SPMIP2: variants seen among roughly 807,000 people sequenced by gnomAD.
SPMIP2 encodes the protein sperm microtubule inner protein 2, also known as protein SPMIP2.
chr4:158,998,875 G>C, the SPMIP2 span, among the ~76,000 whole-genome samples: 2 of 152,060 alleles, frequency 1.3e-5, no homozygotes, highest in Non-Finnish European at 2.9e-5. Context: ...CTTGTAAAAC[G>C]TATGTACCAT....
the SPMIP2 span, among the ~76,000 whole-genome samples, chr4:159,010,110 T>C: frequency 6.6e-6 from 1 of 152,206 alleles, no homozygotes; most frequent in African/African-American, 2.4e-5. Flanking sequence ...CCTGATGTAT[T>C]AGTGGACACG....
At chr4:158,966,655 G>A in the SPMIP2 span, among the ~76,000 whole-genome samples, 1 of 152,106 alleles carries the variant, frequency 6.6e-6, no homozygotes, top group African/African-American at 2.4e-5. Flanking sequence ...TTTTTAAAAG[G>A]TGATATTTAC....
the SPMIP2 span, among the ~76,000 whole-genome samples, chr4:158,896,664 T>C: frequency 6.6e-6 from 1 of 152,176 alleles, no homozygotes; most frequent in African/African-American, 2.4e-5. Context: ...GCCTGTGTTG[T>C]TCGGCTCTTG....
chr4:158,975,019 T>A, the SPMIP2 span, among the ~76,000 whole-genome samples: 1 of 152,240 alleles, frequency 6.6e-6, no homozygotes, highest in African/African-American at 2.4e-5. Flanking sequence ...TGATATGGTA[T>A]CTTACTGTGG....
chr4:158,954,257 G>A, the SPMIP2 span, among the ~76,000 whole-genome samples: 96 of 152,226 alleles, frequency 6.3e-4, no homozygotes, highest in Non-Finnish European at 1.0e-3. Context: ...TACTGTTCTC[G>A]TGGTAGTGAA....
At chr4:159,056,441 A>C in the SPMIP2 span, among the ~76,000 whole-genome samples, 2 of 152,200 alleles carry the variant, frequency 1.3e-5, no homozygotes, top group African/African-American at 2.4e-5. Context: ...CAGAGGAGGG[A>C]GAGCAGTAGA....
the SPMIP2 span, among the ~76,000 whole-genome samples, chr4:158,986,078 G>T: frequency 6.6e-6 from 1 of 150,746 alleles, no homozygotes; most frequent in African/African-American, 2.4e-5. Flanking sequence ...AACTTACAAG[G>T]GATGTGAAGG....
chr4:159,051,495 G>A, the SPMIP2 span, among the ~76,000 whole-genome samples: 1 of 152,154 alleles, frequency 6.6e-6, no homozygotes, highest in East Asian at 1.9e-4. Context: ...TTACTAAAGC[G>A]TCACATTCAA....
chr4:159,021,077 G>C, the SPMIP2 span, among the ~76,000 whole-genome samples: 13 of 152,108 alleles, frequency 8.5e-5, no homozygotes, highest in African/African-American at 3.1e-4. Flanking sequence ...GTTCTCTTAG[G>C]AGGTCCACAG....
chr4:159,027,008 T>C, the SPMIP2 span, among the ~76,000 whole-genome samples: 1 of 151,912 alleles, frequency 6.6e-6, no homozygotes, highest in Admixed American at 6.6e-5. Context: ...CAACTGATTT[T>C]TTTTTTTCTG....
the SPMIP2 span, among the ~76,000 whole-genome samples, chr4:158,923,337 T>C: frequency 6.6e-5 from 10 of 152,184 alleles, no homozygotes; most frequent in East Asian, 1.9e-4. Flanking sequence ...TGTAGATCTA[T>C]TTAGGGAAGA....
the SPMIP2 span, among the ~76,000 whole-genome samples, chr4:158,950,236 G>A: frequency 0.031 from 4,723 of 152,278 alleles, 238 homozygotes; most frequent in African/African-American, 0.11. Context: ...GTGTTTGACT[G>A]TAATTCCACT....
the SPMIP2 span, among the ~76,000 whole-genome samples, chr4:159,043,006 G>A: frequency 7.9e-5 from 12 of 152,212 alleles, no homozygotes; most frequent in African/African-American, 2.2e-4. Context: ...TGACCCCCAG[G>A]TCTTCTATTG....
At chr4:159,082,249 C>T in the SPMIP2 span, among the ~76,000 whole-genome samples, 1 of 151,596 alleles carries the variant, frequency 6.6e-6, no homozygotes, top group East Asian at 1.9e-4. Context: ...AGGAGAATCA[C>T]TTGAACCTGG....
chr4:158,901,889 AC>A, the SPMIP2 span, among the ~76,000 whole-genome samples: 1 of 151,460 alleles, frequency 6.6e-6, no homozygotes, highest in Non-Finnish European at 1.5e-5. Context: ...AATTCACCTA[AC>A]CTTTTTTCAA....
At chr4:159,035,649 C>T in the SPMIP2 span, among the ~76,000 whole-genome samples, 1 of 152,156 alleles carries the variant, frequency 6.6e-6, no homozygotes, top group African/African-American at 2.4e-5. Context: ...CCAATCCCTC[C>T]TTAAATAGTG....
the SPMIP2 span, among the ~76,000 whole-genome samples, chr4:159,053,235 C>T: frequency 1.3e-5 from 2 of 151,920 alleles, no homozygotes; most frequent in Non-Finnish European, 2.9e-5. Flanking sequence ...GGATTACAGG[C>T]GTGAGCCACC....
At chr4:158,936,627 G>T in the SPMIP2 span, among the ~76,000 whole-genome samples, 2 of 152,192 alleles carry the variant, frequency 1.3e-5, no homozygotes, top group African/African-American at 4.8e-5. Flanking sequence ...GTGCTTTCTG[G>T]GAGAACAAGC....
the SPMIP2 span, among the ~76,000 whole-genome samples, chr4:158,976,780 G>T: frequency 6.9e-6 from 1 of 145,868 alleles, no homozygotes; most frequent in African/African-American, 2.6e-5. Flanking sequence ...TCCCATCTCA[G>T]CTTCTCAAGT....
Sources: gnomAD v4.1 joint callset for allele counts (sites outside exome capture counted in the v4.1 genomes callset) on GRCh38, gnomAD v4.1.1 for gene constraint, MANE v1.5 for transcripts, NCBI Gene and HGNC (gene_info 2026-07-23, HGNC 2026-07-21) for gene names.